Variants in ZNF251 observed in about 807,000 individuals in gnomAD.
The protein encoded by ZNF251 is zinc finger protein 251.
A neutral mutation model predicts 13.5 loss-of-function variants in ZNF251; 14 were observed. The observed-to-expected ratio is 1.04, with a 90% CI of 0.69 to 1.63. The LOEUF (loss-of-function observed/expected upper bound fraction) is 1.63. Ranked by LOEUF, ZNF251 falls within the 40% of genes most tolerant of loss-of-function variation. ZNF251 has a pLI of 0.00. For missense variants in ZNF251, 764 were observed against 834.9 expected (o/e 0.92, Z 1.05); for synonymous variants, 287 against 295.2 (o/e 0.97, Z 0.28).
At chr8:144,745,389 TG>T (rs546261053) in intron 4 of ZNF251, among the ~76,000 whole-genome samples, 136 of 152,258 alleles carry the variant, frequency 8.9e-4, no homozygotes, top group Non-Finnish European at 1.5e-3. Context: ...CACACTGCCT[TG>T]ATTACTGTGG....
rs925864683 is a variant in ZNF251 at position 144,755,503 on chromosome 8, C to A, written c.-174G>T. ...CCCTCCCACAGAACCGGGTCCAGAGCCGGGGAGGGGGCGGGCTAGGATGAA... is the reference window on the plus strand; with the variant it reads ...CCCTCCCACAGAACCGGGTCCAGAGACGGGGAGGGGGCGGGCTAGGATGAA... On this transcript the variant is annotated 5_prime_UTR_variant, in exon 1 of 5. Coordinates refer to ENST00000292562, the MANE Select transcript of ZNF251 (RefSeq NM_138367.2). 12 of 1,286,438 alleles carry A rather than the reference C, an allele frequency of 9.3e-6. No homozygotes were observed. Among genetic ancestry groups the A allele is most frequent in the East Asian group, 1.1e-4 (2 of 17,958 alleles). The allele number at this position is 1,286,438 out of a possible 1,614,324, so 79.7% of individuals were successfully genotyped here.
rs747059719 is a variant in ZNF251 at position 144,722,450 on chromosome 8, G to T, written c.1210C>A (p.Pro404Thr). 3.7e-6 allele frequency: 6 copies of T among 1,613,924 alleles called. No homozygotes were observed. The highest frequency in any genetic ancestry group is 2.2e-5 in the South Asian group (2 of 91,076). ...CTGCCGCATTCATTACATACATAGG[G>T]TTTCTCTCCAGTATGAACCCGATGA... ...LHHRVHTGEK[P>T]YVCNECGRAF... The change falls in exon 5 of 5, where the codon CCC becomes ACC. Residue 404 changes from proline to threonine, a missense_variant. By Grantham distance (38) the Pro-to-Thr change is conservative. Coordinates refer to ENST00000292562, the MANE Select transcript of ZNF251 (RefSeq NM_138367.2). This position sits in a 1 kb window ranked among gnomAD's most constrained non-coding sequence, Gnocchi z 4.8.
intron 4 of ZNF251, among the ~76,000 whole-genome samples, chr8:144,750,210 T>C (rs1300409693): frequency 6.6e-6 from 1 of 152,206 alleles, no homozygotes; most frequent in African/African-American, 2.4e-5. Flanking sequence ...GCCTTTTAAG[T>C]ATGCTTTGTA....
intron 4 of ZNF251, among the ~76,000 whole-genome samples, chr8:144,751,867 T>C (rs1009336515): frequency 6.6e-6 from 1 of 152,112 alleles, no homozygotes; most frequent in Non-Finnish European, 1.5e-5. Flanking sequence ...TGAAAGAAGA[T>C]ATACTATGCT....
At chr8:144,739,090 A>C (rs767178706) in intron 4 of ZNF251, among the ~76,000 whole-genome samples, 3 of 151,962 alleles carry the variant, frequency 2.0e-5, no homozygotes, top group Non-Finnish European at 4.4e-5. Flanking sequence ...TTCAACACCG[A>C]GAACACAGAC....
intron 4 of ZNF251, among the ~76,000 whole-genome samples, chr8:144,748,070 G>C (rs1163130533): frequency 6.6e-6 from 1 of 150,590 alleles, no homozygotes; most frequent in East Asian, 2.0e-4. Flanking sequence ...TACCACACTT[G>C]ACAACCTCAC....
intron 4 of ZNF251, among the ~76,000 whole-genome samples, chr8:144,726,970 C>T (rs1823536816): frequency 6.6e-6 from 1 of 152,184 alleles, no homozygotes; most frequent in African/African-American, 2.4e-5. Context: ...GGGAAGACCA[C>T]TTGAGCCCAG....
In ZNF251 at chr8:144,722,090, C is replaced by G; in HGVS notation, c.1570G>C (p.Ala524Pro). 2 of 1,613,942 alleles carry G rather than the reference C, an allele frequency of 1.2e-6. No homozygotes were observed. The highest frequency in any genetic ancestry group is 1.7e-6 in the Non-Finnish European group (2 of 1,179,882). The change falls in exon 5 of 5, where the codon GCC (alanine) becomes CCC (proline). Residue 524 changes from alanine (A) to proline (P), a missense_variant. By Grantham distance (27) the Ala-to-Pro change is conservative. Coordinates refer to ENST00000292562, the MANE Select transcript of ZNF251 (RefSeq NM_138367.2). This position sits in a 1 kb window ranked among gnomAD's most constrained non-coding sequence, Gnocchi z 4.8. ...ETRKCRKHGP[A>P]FVHGSSLTAD... is the part of the protein sequence containing the mutation. Reference sequence around the variant, plus strand: ...GTGAGGCTGGAGCCATGAACAAAGGCTGGACCATGTTTTCTGCACTTACGA... The same window carrying G: ...GTGAGGCTGGAGCCATGAACAAAGGGTGGACCATGTTTTCTGCACTTACGA...
chr8:144,727,062 T>A (rs974173584), intron 4 of ZNF251, among the ~76,000 whole-genome samples: 5 of 151,732 alleles, frequency 3.3e-5, no homozygotes, highest in African/African-American at 1.2e-4. Context: ...TGAAAAAAAA[T>A]TTTTTTTAGT....
At position 144,721,850 on chromosome 8, in the gene ZNF251, T is replaced by G. The variant is rs1563752906; in HGVS notation, c.1810A>C (p.Ser604Arg). The change falls in exon 5 of 5, where the codon AGT becomes CGT. Residue 604 changes from serine to arginine, a missense_variant. Physicochemically the swap from Ser to Arg is moderately radical, Grantham distance 110. Transcript: ENST00000292562. ...TGTTGAATAAGGGTTGACTTTCCACTGAAGGCGTTTCCACATTCTTGACAT... is the reference window on the plus strand; with the variant it reads ...TGTTGAATAAGGGTTGACTTTCCACGGAAGGCGTTTCCACATTCTTGACAT... The part of the protein sequence containing the change: ...YKCQECGNAF[S>R]GKSTLIQHQV... The G allele has an allele frequency of 6.7e-7, 1 of 1,500,354 alleles. No individual in the cohort carries two copies. Among genetic ancestry groups the G allele is most frequent in the East Asian group, 2.3e-5 (1 of 43,840 alleles). 92.9% of individuals were successfully genotyped at this position (1,500,354 alleles called of 1,614,324 possible).
At position 144,755,415 on chromosome 8, in the gene ZNF251, G is replaced by T; in HGVS notation, c.-86C>A. 7.8e-7 allele frequency: 1 copy of T among 1,288,280 alleles called. No homozygotes were observed. Among genetic ancestry groups the T allele is most frequent in the South Asian group, 1.2e-5 (1 of 81,330 alleles). 79.8% of individuals were successfully genotyped at this position (1,288,280 alleles called of 1,614,324 possible). A position where few individuals can be genotyped will look rare whatever the true frequency, so the allele number is the denominator to read the frequency against. On this transcript the variant is annotated 5_prime_UTR_variant, in exon 1 of 5. Coordinates refer to ENST00000292562, the MANE Select transcript of ZNF251 (RefSeq NM_138367.2). Reference sequence around the variant, plus strand: ...CCGACACTGCCCCACCTGTTTGCTCGACCCGGGGAAGCCACCGAGGAAGCG... The same window carrying T: ...CCGACACTGCCCCACCTGTTTGCTCTACCCGGGGAAGCCACCGAGGAAGCG...
intron 4 of ZNF251, among the ~76,000 whole-genome samples, chr8:144,725,846 A>T (rs1416905448): frequency 6.6e-6 from 1 of 152,194 alleles, no homozygotes; most frequent in Non-Finnish European, 1.5e-5. Flanking sequence ...TCAGAAGCCA[A>T]ATCCTGTCAT....
rs1293658451 is a variant in ZNF251, at chr8:144,732,801, G to C, written c.278-9419C>G. ...CACTCCAGCCTGGGCGACAGAGCGA[G>C]ACTCCGTCTCAAAAAAAAAAAAAAA... is the stretch of plus-strand genomic sequence containing the variant. On this transcript the variant is annotated intron_variant, in intron 4 of 4. Coordinates refer to ENST00000292562, the MANE Select transcript of ZNF251 (RefSeq NM_138367.2). 1.0e-3 allele frequency among the ~76,000 whole-genome samples: 119 copies of C among 119,114 alleles called. 1 individual carries two copies. The highest frequency in any genetic ancestry group is 0.011 in the Middle Eastern group (2 of 174). The allele number at this position is 119,114 out of a possible 152,430, so 78.1% of individuals were successfully genotyped here.
intron 4 of ZNF251, among the ~76,000 whole-genome samples, chr8:144,737,696 G>T (rs563755460): frequency 6.7e-6 from 1 of 149,900 alleles, no homozygotes; most frequent in South Asian, 2.1e-4. Flanking sequence ...GCCAGGCGTG[G>T]TGGCAGGCGC....
chr8:144,726,695 A>C (rs1031253692), intron 4 of ZNF251, among the ~76,000 whole-genome samples: 5 of 151,036 alleles, frequency 3.3e-5, no homozygotes, highest in African/African-American at 7.3e-5. Context: ...ACGGTGAAAC[A>C]CCGTCTCTAC....
Position 144,734,194 on chromosome 8 carries a change from G to C in ZNF251, c.278-10812C>G, listed in dbSNP as rs1017880930. ...CCTTTGTCCCAGCGCTGAGCCGAGCGGAGCTCCTGGCTGTAAGGACACCTC... is the reference window on the plus strand; with the variant it reads ...CCTTTGTCCCAGCGCTGAGCCGAGCCGAGCTCCTGGCTGTAAGGACACCTC... On this transcript the variant is annotated intron_variant, in intron 4 of 4. Coordinates refer to ENST00000292562, the MANE Select transcript of ZNF251 (RefSeq NM_138367.2). The surrounding 1 kb of genome is among the most constrained non-coding windows in gnomAD (Gnocchi z 4.4). 6.6e-6 allele frequency among the ~76,000 whole-genome samples: 1 copy of C among 152,180 alleles called. No individual in the cohort carries two copies. The highest frequency in any genetic ancestry group is 6.5e-5 in the Admixed American group (1 of 15,280).
Position 144,740,084 on chromosome 8 carries a change from G to A in ZNF251, c.277+13599C>T, listed in dbSNP as rs192466765. Among the ~76,000 whole-genome samples the A allele has an allele frequency of 2.0e-3, 302 of 151,764 alleles. 1 individual carries two copies. Among genetic ancestry groups the A allele is most frequent in the Middle Eastern group, 0.014 (4 of 290 alleles). On this transcript the variant is annotated intron_variant, in intron 4 of 4. Coordinates refer to ENST00000292562, the MANE Select transcript of ZNF251 (RefSeq NM_138367.2). The stretch of plus-strand genomic sequence containing the variant: ...GCAGATCACCTGAGGTCCGGAGTTC[G>A]AGACCAGCCTGACCAACATGGAGAA...
intron 4 of ZNF251, among the ~76,000 whole-genome samples, chr8:144,733,986 G>T (rs1823802817): frequency 6.6e-6 from 1 of 152,248 alleles, no homozygotes; most frequent in Non-Finnish European, 1.5e-5. Flanking sequence ...GATGCCGCTA[G>T]GTCTGTTCCG....
chr8:144,736,823 G>GT (rs994915386), intron 4 of ZNF251, among the ~76,000 whole-genome samples: 1 of 150,218 alleles, frequency 6.7e-6, no homozygotes, highest in Non-Finnish European at 1.5e-5. Flanking sequence ...TGAGATGGAG[G>GT]TTTTTTTTGG....
Sources: allele counts gnomAD v4.1 joint callset (sites outside exome capture counted in the v4.1 genomes callset), GRCh38; gene constraint gnomAD v4.1.1; non-coding constraint Gnocchi (gnomAD v3.1); transcripts MANE v1.5; gene names NCBI Gene and HGNC (gene_info 2026-07-23, HGNC 2026-07-21).